The following SLC2A13 variants were observed in gnomAD, a reference collection of about 807,000 sequenced individuals.
SLC2A13 encodes proton myo-inositol cotransporter.
SLC2A13 carries 32 observed loss-of-function variants against 64.4 expected under a neutral mutation model. That is an observed-to-expected ratio of 0.50 (90% CI 0.37 to 0.67). The LOEUF (loss-of-function observed/expected upper bound fraction) is 0.67. SLC2A13 is among the 30% of genes least tolerant of loss of function. SLC2A13 has a pLI of 0.00. For synonymous variants in SLC2A13, 338 were observed against 327.1 expected, an observed-to-expected ratio of 1.03 and a Z score of -0.36; for missense variants, 743 against 829.2, an observed-to-expected ratio of 0.90 and a Z score of 1.28.
intron 3 of SLC2A13, among the ~76,000 whole-genome samples, chr12:40,020,958 A>C (rs1482881102): frequency 1.3e-5 from 2 of 151,998 alleles, no homozygotes; most frequent in Non-Finnish European, 1.5e-5. Flanking sequence ...TATTAAATAC[A>C]GAGCAGTAAA....
chr12:39,784,359 A>G (rs1280342084), intron 7 of SLC2A13, among the ~76,000 whole-genome samples: 6 of 152,220 alleles, frequency 3.9e-5, no homozygotes, highest in African/African-American at 1.4e-4. Flanking sequence ...ACAGCATGGT[A>G]CTGGTACCAA....
At chr12:39,791,277 G>T (rs1295004562) in intron 7 of SLC2A13, among the ~76,000 whole-genome samples, 1 of 125,566 alleles carries the variant, frequency 8.0e-6, no homozygotes, top group Non-Finnish European at 1.7e-5. Context: ...ATACTGAATG[G>T]GCAAAAACTG....
intron 4 of SLC2A13, among the ~76,000 whole-genome samples, chr12:39,918,851 C>CA (rs10589116): frequency 0.014 from 1,786 of 123,856 alleles, 39 homozygotes; most frequent in African/African-American, 0.05. Context: ...GACTCTGTCT[C>CA]AAAAAAAAAA....
chr12:40,053,413 C>G (rs1948290549), intron 1 of SLC2A13, among the ~76,000 whole-genome samples: 1 of 151,920 alleles, frequency 6.6e-6, no homozygotes, highest in African/African-American at 2.4e-5. Context: ...AGCCACATGG[C>G]AAGTTAATGT....
chr12:39,889,734 G>A (rs1944556619), intron 4 of SLC2A13, among the ~76,000 whole-genome samples: 1 of 151,878 alleles, frequency 6.6e-6, no homozygotes, highest in African/African-American at 2.4e-5. Context: ...GTTTCACCAT[G>A]TTGGCCAGGA....
At chr12:39,850,672 C>A (rs536782650) in intron 6 of SLC2A13, among the ~76,000 whole-genome samples, 34 of 152,242 alleles carry the variant, frequency 2.2e-4, no homozygotes, top group African/African-American at 8.2e-4. Context: ...TAGCACAACA[C>A]ATAATTGTAA....
At chr12:39,865,761 C>A (rs1286079163) in intron 5 of SLC2A13, among the ~76,000 whole-genome samples, 3 of 152,286 alleles carry the variant, frequency 2.0e-5, no homozygotes, top group Admixed American at 1.3e-4. Context: ...TGATCTTTAG[C>A]AAACTAACAC....
At chr12:39,851,763 G>A (rs141449927) in intron 6 of SLC2A13, among the ~76,000 whole-genome samples, 1 of 152,298 alleles carries the variant, frequency 6.6e-6, no homozygotes, top group Non-Finnish European at 1.5e-5. Context: ...GCTGAGCTTT[G>A]AGTCATTGAT....
At chr12:39,997,832 A>G (rs1947257987) in intron 3 of SLC2A13, among the ~76,000 whole-genome samples, 1 of 152,012 alleles carries the variant, frequency 6.6e-6, no homozygotes, top group Non-Finnish European at 1.5e-5. Context: ...CTCCATCTCG[A>G]AAAAAAAGAA....
chr12:40,072,912 A>C (rs1938020650), intron 1 of SLC2A13, among the ~76,000 whole-genome samples: 2 of 151,732 alleles, frequency 1.3e-5, no homozygotes, highest in Admixed American at 1.3e-4. Flanking sequence ...GTTTTCATTT[A>C]TTTGTTCTTA....
intron 3 of SLC2A13, among the ~76,000 whole-genome samples, chr12:39,998,663 T>C (rs935017375): frequency 6.6e-6 from 1 of 152,220 alleles, no homozygotes; most frequent in Non-Finnish European, 1.5e-5. Flanking sequence ...AACTTGCTTT[T>C]GATTTTACAG....
intron 1 of SLC2A13, among the ~76,000 whole-genome samples, chr12:40,069,315 T>C (rs943301400): frequency 5.3e-5 from 8 of 152,294 alleles, no homozygotes; most frequent in Middle Eastern, 3.4e-3. Context: ...AATGCAATTA[T>C]ACATTATACT....
intron 4 of SLC2A13, among the ~76,000 whole-genome samples, chr12:39,901,026 A>G (rs944752197): frequency 4.6e-5 from 7 of 152,208 alleles, no homozygotes; most frequent in African/African-American, 1.7e-4. Flanking sequence ...GCCCTCAGAA[A>G]TAACACTGCA....
intron 1 of SLC2A13, among the ~76,000 whole-genome samples, chr12:40,051,793 C>G (rs902696568): frequency 3.3e-5 from 5 of 152,068 alleles, no homozygotes; most frequent in African/African-American, 9.7e-5. Context: ...AAGGATCAAC[C>G]ACAGTGTAAA....
At chr12:40,037,035 T>G (rs879714213) in intron 2 of SLC2A13, among the ~76,000 whole-genome samples, 1 of 152,224 alleles carries the variant, frequency 6.6e-6, no homozygotes, top group Non-Finnish European at 1.5e-5. Context: ...TTCAATATGG[T>G]GACTTGCATG....
At chr12:40,003,389 G>A (rs1405423356) in intron 3 of SLC2A13, among the ~76,000 whole-genome samples, 1 of 151,866 alleles carries the variant, frequency 6.6e-6, no homozygotes, top group Admixed American at 6.6e-5. Flanking sequence ...CAAGGAAGAG[G>A]AGAGACAAAA....
At chr12:40,011,934 G>C (rs769579961) in intron 3 of SLC2A13, among the ~76,000 whole-genome samples, 1 of 152,138 alleles carries the variant, frequency 6.6e-6, no homozygotes, top group Non-Finnish European at 1.5e-5. Context: ...CAGAGGTCGC[G>C]TGTCCATGAA....
intron 7 of SLC2A13, among the ~76,000 whole-genome samples, chr12:39,806,058 T>A (rs1941970461): frequency 6.6e-6 from 1 of 152,212 alleles, no homozygotes; most frequent in Non-Finnish European, 1.5e-5. Context: ...GTGACAGCAA[T>A]TGTAGCTGCA....
At chr12:39,956,398 T>C (rs1172816719) in intron 3 of SLC2A13, among the ~76,000 whole-genome samples, 1 of 152,184 alleles carries the variant, frequency 6.6e-6, no homozygotes, top group Admixed American at 6.5e-5. Flanking sequence ...TGTTCACATA[T>C]GCCAGCGTCT....
Sources: gnomAD v4.1 joint callset for allele counts (sites outside exome capture counted in the v4.1 genomes callset) on GRCh38, gnomAD v4.1.1 for gene constraint, MANE v1.5 for transcripts, NCBI Gene and HGNC (gene_info 2026-07-23, HGNC 2026-07-21) for gene names.